Variants in AMACR observed in about 807,000 individuals in gnomAD.
AMACR encodes alpha-methylacyl-CoA racemase, also known as 2-methylacyl-CoA racemase.
AMACR carries 18 observed loss-of-function variants against 22.2 expected under a neutral mutation model. The ratio of observed to expected loss-of-function variants is 0.81; its 90% CI spans 0.56 to 1.20. The LOEUF (loss-of-function observed/expected upper bound fraction) is 1.20, where lower values mean the gene tolerates loss of function less well. AMACR is among the 50% of genes most tolerant of loss of function. AMACR has a pLI of 0.00. For synonymous variants in AMACR, 213 were observed against 191.3 expected, an observed-to-expected ratio of 1.11 and a Z score of -0.94; for missense variants, 499 against 490.6, an observed-to-expected ratio of 1.02 and a Z score of -0.16.
chr5:33,994,658 A>T (rs1455395539), intron 4 of AMACR, among the ~76,000 whole-genome samples: 1 of 152,218 alleles, frequency 6.6e-6, no homozygotes, highest in Non-Finnish European at 1.5e-5. Context: ...GCTATCTCCT[A>T]TAGCACAAGT....
At chr5:33,998,520 A>G in intron 4 of AMACR, 121 bp downstream of exon 4, 5 of 976,670 alleles carry the variant, frequency 5.1e-6, no homozygotes, top group Non-Finnish European at 6.0e-6. Flanking sequence ...GGCTATAATT[A>G]GGTTAATTAG....
chr5:33,991,726 T>TTTTTTATTATTATTA lies in AMACR; in HGVS notation c.740-2225_740-2224insTAATAATAATAAAAA, dbSNP rs138912654. ...CCAGGATGGCAATTGTAAACACTAT[T>TTTTTTATTATTATTA]TTATTATTATTATTATTATTATTAT... On this transcript the variant is annotated intron_variant, in intron 4 of 4. Coordinates refer to ENST00000335606, the MANE Select transcript of AMACR (RefSeq NM_014324.6). Among the ~76,000 whole-genome samples the TTTTTTATTATTATTA allele has an allele frequency of 2.8e-5, 4 of 145,200 alleles. No homozygotes were observed. In the South Asian group the frequency reaches 6.6e-4, roughly 24 times the overall value.
chr5:33,993,329 T>G (rs1270976901), intron 4 of AMACR, among the ~76,000 whole-genome samples: 1 of 152,028 alleles, frequency 6.6e-6, no homozygotes, highest in East Asian at 1.9e-4. Flanking sequence ...CATCTGTTGA[T>G]GGACACTTGA....
chr5:34,000,409 T>C (rs1467925433), intron 3 of AMACR, among the ~76,000 whole-genome samples: 1 of 152,222 alleles, frequency 6.6e-6, no homozygotes, highest in Non-Finnish European at 1.5e-5. Context: ...TTACACACTG[T>C]AGTGAGTCGA....
Position 33,988,959 on chromosome 5 carries a change from CT to C in AMACR, c.*133del, listed in dbSNP as rs2112031617. On this transcript the variant is annotated 3_prime_UTR_variant, in exon 5 of 5. Coordinates refer to ENST00000335606, the MANE Select transcript of AMACR (RefSeq NM_014324.6). ...TCAATCATCACTGTAGAATCAGAGT[CT>C]GTAATTCTTTTCTTGATTAGAGTGG... 6 of 1,505,592 alleles carry C rather than the reference CT, an allele frequency of 4.0e-6. No individual in the cohort carries two copies. The South Asian group carries it at 7.8e-5, about 20-fold the overall frequency. 93.3% of individuals were successfully genotyped at this position (1,505,592 alleles called of 1,614,324 possible).
rs1199423049 is a variant in AMACR, at chr5:33,986,664, G to C, written c.*2429C>G. On this transcript the variant is annotated 3_prime_UTR_variant, in exon 5 of 5. Transcript: ENST00000335606. ...AGACACTGGTAGGAAGACTAGGGGAGAGAGAGAAGGAAAGAAGCCAGGATA... is the reference window on the plus strand; with the variant it reads ...AGACACTGGTAGGAAGACTAGGGGACAGAGAGAAGGAAAGAAGCCAGGATA... 1 of 152,210 alleles carries C rather than the reference G, an allele frequency of 6.6e-6. No homozygotes were observed. Among genetic ancestry groups the C allele is most frequent in the Non-Finnish European group, 1.5e-5 (1 of 68,052 alleles). The allele number at this position is 152,210 out of a possible 1,614,324, so 9.4% of individuals were successfully genotyped here. A position where few individuals can be genotyped will look rare whatever the true frequency, so the allele number is the denominator to read the frequency against.
rs16892150 is a variant in AMACR at position 34,005,794 on chromosome 5, C to A, written c.353G>T (p.Arg118Leu). ...ATAGTTGATATCGTGGCCAGCTAACCGGCAGAAGCTTCCTGACTGGCCAAA... is the reference window on the plus strand; with the variant it reads ...ATAGTTGATATCGTGGCCAGCTAACAGGCAGAAGCTTCCTGACTGGCCAAA... ...SGFGQSGSFC[R>L]LAGHDINYLA... The change falls in exon 2 of 5, where the codon CGG becomes CTG. Residue 118 changes from arginine (R) to leucine (L), a missense_variant. Physicochemically the swap from Arg to Leu is moderately radical, Grantham distance 102 (BLOSUM62 -2). Coordinates refer to ENST00000335606, the MANE Select transcript of AMACR (RefSeq NM_014324.6). 6.2e-7 allele frequency: 1 copy of A among 1,614,058 alleles called. No individual in the cohort carries two copies. The highest frequency in any genetic ancestry group is 8.5e-7 in the Non-Finnish European group (1 of 1,180,038).
chr5:34,007,233 A>C (rs1754008577), intron 1 of AMACR, among the ~76,000 whole-genome samples: 1 of 152,210 alleles, frequency 6.6e-6, no homozygotes, highest in Non-Finnish European at 1.5e-5. Context: ...CCGCTCTGAA[A>C]GGGGGAAGTC....
intron 4 of AMACR, among the ~76,000 whole-genome samples, chr5:33,992,579 A>G (rs552142195): frequency 5.5e-4 from 84 of 152,104 alleles, no homozygotes; most frequent in African/African-American, 2.0e-3. Flanking sequence ...GCCTGGTGGC[A>G]CAGGCCTGTG....
intron 3 of AMACR, among the ~76,000 whole-genome samples, chr5:34,003,856 CAAAT>C (rs1734055978): frequency 6.6e-6 from 1 of 152,234 alleles, no homozygotes. Context: ...ATCCCACCTC[CAAAT>C]GTCTGTGAAA....
intron 4 of AMACR, 134 bp from the exon 5 acceptor site, chr5:33,989,636 A>G (rs1261220823): frequency 5.3e-6 from 4 of 753,306 alleles, no homozygotes; most frequent in Non-Finnish European, 6.5e-6. Context: ...AGTCAAGAGA[A>G]AAAAATGTAA....
In AMACR at chr5:33,997,521, G is replaced by A. The variant is rs184939804; in HGVS notation, c.739+1120C>T. The A allele has an allele frequency of 9.0e-6, 7 of 780,212 alleles. No individual in the cohort carries two copies. In the African/African-American group the frequency reaches 1.0e-4, roughly 11 times the overall value. 48.3% of individuals were successfully genotyped at this position (780,212 alleles called of 1,614,324 possible). A position where few individuals can be genotyped will look rare whatever the true frequency, so the allele number is the denominator to read the frequency against. On this transcript the variant is annotated intron_variant, in intron 4 of 4. Coordinates refer to ENST00000335606, the MANE Select transcript of AMACR (RefSeq NM_014324.6). ...CAGCAAGATCAGTTCTCCCAGACCT[G>A]GCCAAGGACCAGAACTCAGAAAATG... is the stretch of plus-strand genomic sequence containing the variant.
chr5:33,988,800 T>G lies in AMACR; in HGVS notation c.*293A>C. The G allele has an allele frequency of 7.9e-7, 1 of 1,263,072 alleles. No homozygotes were observed. Among genetic ancestry groups the G allele is most frequent in the Non-Finnish European group, 1.0e-6 (1 of 1,000,734 alleles). The allele number at this position is 1,263,072 out of a possible 1,614,324, so 78.2% of individuals were successfully genotyped here. On this transcript the variant is annotated 3_prime_UTR_variant, in exon 5 of 5. Coordinates refer to ENST00000335606, the MANE Select transcript of AMACR (RefSeq NM_014324.6). Reference sequence around the variant, plus strand: ...TCATTCCTTTTTCACTAGAACCCATTCAAAATATAAGTCAAGAATCTTAAT... The same window carrying G: ...TCATTCCTTTTTCACTAGAACCCATGCAAAATATAAGTCAAGAATCTTAAT...
At chr5:33,998,586 C>G (rs1013555111) in intron 4 of AMACR, 55 bp downstream of exon 4, 9 of 1,523,714 alleles carry the variant, frequency 5.9e-6, no homozygotes, top group Admixed American at 4.3e-5. Flanking sequence ...AAAATAGAAC[C>G]AAAGAACATC....
chr5:33,989,066 A>T lies in AMACR; in HGVS notation c.*27T>A. 1 of 1,613,922 alleles carries T rather than the reference A, an allele frequency of 6.2e-7. No individual in the cohort carries two copies. The highest frequency in any genetic ancestry group is 8.5e-7 in the Non-Finnish European group (1 of 1,180,000). ...CTCTACACTGTAAATGCAGTATTCAAATTCACTTGAGCCGTGGGCCTGGAA... is the reference window on the plus strand; with the variant it reads ...CTCTACACTGTAAATGCAGTATTCATATTCACTTGAGCCGTGGGCCTGGAA... On this transcript the variant is annotated 3_prime_UTR_variant, in exon 5 of 5. Coordinates refer to ENST00000335606, the MANE Select transcript of AMACR (RefSeq NM_014324.6).
chr5:34,006,698 T>C (rs1286700678), intron 1 of AMACR, among the ~76,000 whole-genome samples: 1 of 152,246 alleles, frequency 6.6e-6, no homozygotes, highest in Non-Finnish European at 1.5e-5. Context: ...AATTATTACA[T>C]AATCTTAATT....
At chr5:34,005,733 G>A in intron 2 of AMACR, 23 bp downstream of exon 2, 1 of 1,613,398 alleles carries the variant, frequency 6.2e-7, no homozygotes, top group Non-Finnish European at 8.5e-7. Flanking sequence ...TAAAAGTGTA[G>A]ACTAAATTTT....
In AMACR at chr5:33,988,101, C is replaced by T. The variant is rs1451300076; in HGVS notation, c.*992G>A. On this transcript the variant is annotated 3_prime_UTR_variant, in exon 5 of 5. Transcript: ENST00000335606. ...ACCCAACATCCATTCTCTACTCCCTCTACTCTGATGGCACCCGGATTAGAT... is the reference window on the plus strand; with the variant it reads ...ACCCAACATCCATTCTCTACTCCCTTTACTCTGATGGCACCCGGATTAGAT... 2.0e-6 allele frequency: 1 copy of T among 500,078 alleles called. No homozygotes were observed. Among genetic ancestry groups the T allele is most frequent in the East Asian group, 3.1e-5 (1 of 32,390 alleles). 31.0% of individuals were successfully genotyped at this position (500,078 alleles called of 1,614,324 possible).
Position 34,000,575 on chromosome 5 carries a change from G to A in AMACR, c.553-1748C>T, listed in dbSNP as rs545754500. On this transcript the variant is annotated intron_variant, in intron 3 of 4. Transcript: ENST00000335606. ...TGCAGTGGCACAATCTCAGCTCACC[G>A]TAACCTCCACCTCCAAGGTTCAAGC... is the stretch of plus-strand genomic sequence containing the variant. Among the ~76,000 whole-genome samples the A allele has an allele frequency of 4.8e-4, 72 of 151,370 alleles. 1 individual carries two copies. The highest frequency in any genetic ancestry group is 1.6e-3 in the African/African-American group (66 of 41,144).
Sources: gnomAD v4.1 joint callset for allele counts (sites outside exome capture counted in the v4.1 genomes callset) on GRCh38, gnomAD v4.1.1 for gene constraint, MANE v1.5 for transcripts, NCBI Gene and HGNC (gene_info 2026-07-23, HGNC 2026-07-21) for gene names.